SGCZ: variants seen among roughly 807,000 people sequenced by gnomAD.
SGCZ encodes sarcoglycan zeta, also known as zeta-sarcoglycan.
A neutral mutation model predicts 41.3 loss-of-function variants in SGCZ; 40 were observed. The ratio of observed to expected loss-of-function variants is 0.97; its 90% CI spans 0.75 to 1.26. SGCZ has a LOEUF of 1.26. Ranked by LOEUF, SGCZ falls within the 50% of genes most tolerant of loss-of-function variation. SGCZ has a pLI of 0.00. For synonymous variants in SGCZ, 206 were observed against 137.5 expected, an observed-to-expected ratio of 1.50 and a Z score of -3.49; for missense variants, 552 against 369.8, an observed-to-expected ratio of 1.49 and a Z score of -4.04.
At chr8:14,431,294 ATAAGATCTTAT>A (rs1799935766) in intron 2 of SGCZ, among the ~76,000 whole-genome samples, 1 of 152,328 alleles carries the variant, frequency 6.6e-6, no homozygotes, top group South Asian at 2.1e-4. Context: ...AAATGATACT[ATAAGATCTTAT>A]TCACCCGAAT....
At chr8:14,921,335 C>G (rs1799582977) in intron 1 of SGCZ, among the ~76,000 whole-genome samples, 1 of 152,090 alleles carries the variant, frequency 6.6e-6, no homozygotes, top group Admixed American at 6.6e-5. Flanking sequence ...TGAAGTCAGA[C>G]TAATTTGAGT....
intron 1 of SGCZ, among the ~76,000 whole-genome samples, chr8:15,217,861 A>C (rs1310717052): frequency 5.9e-5 from 9 of 152,088 alleles, no homozygotes; most frequent in Non-Finnish European, 4.4e-5. Context: ...GCTGAGTTGG[A>C]CGGATCACTT....
intron 2 of SGCZ, among the ~76,000 whole-genome samples, chr8:14,510,091 T>C (rs1802424984): frequency 6.6e-6 from 1 of 152,058 alleles, no homozygotes; most frequent in South Asian, 2.1e-4. Flanking sequence ...CCCAATGCAA[T>C]GAAGAAGGCA....
At chr8:15,061,137 C>T (rs1176745053) in intron 1 of SGCZ, among the ~76,000 whole-genome samples, 2 of 143,496 alleles carry the variant, frequency 1.4e-5, no homozygotes, top group African/African-American at 2.5e-5. Flanking sequence ...CTGAATGTAT[C>T]CCCCCAAACT....
At chr8:14,675,960 G>C (rs945531143) in intron 1 of SGCZ, among the ~76,000 whole-genome samples, 1 of 152,166 alleles carries the variant, frequency 6.6e-6, no homozygotes, top group Admixed American at 6.5e-5. Context: ...TAGATGGAAG[G>C]TAAACAGAAA....
At chr8:15,035,595 C>T (rs1803847031) in intron 1 of SGCZ, among the ~76,000 whole-genome samples, 1 of 151,986 alleles carries the variant, frequency 6.6e-6, no homozygotes, top group Non-Finnish European at 1.5e-5. Context: ...CAATATGCTG[C>T]CTACCAGAGA....
chr8:14,839,334 G>C (rs543415103), intron 1 of SGCZ, among the ~76,000 whole-genome samples: 6 of 152,220 alleles, frequency 3.9e-5, no homozygotes, highest in African/African-American at 1.4e-4. Flanking sequence ...GATGATGCAC[G>C]CTTGCAGAGG....
At chr8:14,601,772 T>C (rs1050515771) in intron 1 of SGCZ, among the ~76,000 whole-genome samples, 2 of 152,230 alleles carry the variant, frequency 1.3e-5, no homozygotes, top group African/African-American at 4.8e-5. Context: ...TTCTTTTTTG[T>C]TCCAAGTTGT....
At chr8:14,192,757 A>G (rs757357450) in intron 4 of SGCZ, among the ~76,000 whole-genome samples, 5 of 152,102 alleles carry the variant, frequency 3.3e-5, no homozygotes, top group Admixed American at 1.3e-4. Context: ...TGTAACAAAA[A>G]CAATGGAAAG....
intron 1 of SGCZ, among the ~76,000 whole-genome samples, chr8:15,176,766 C>A (rs1314719140): frequency 6.6e-6 from 1 of 152,160 alleles, no homozygotes; most frequent in Non-Finnish European, 1.5e-5. Context: ...CTTTGGGAGG[C>A]CGAGGTGGGC....
intron 3 of SGCZ, among the ~76,000 whole-genome samples, chr8:14,253,195 TATCATATGCTTCTAAAA>T (rs1399468619): frequency 1.3e-5 from 2 of 151,296 alleles, no homozygotes; most frequent in Admixed American, 6.6e-5. Flanking sequence ...AAACATATAT[TATCATATGCTTCTAAAA>T]ATATGCTTCT....
intron 1 of SGCZ, among the ~76,000 whole-genome samples, chr8:14,626,982 T>C (rs1020104122): frequency 8.5e-5 from 13 of 152,192 alleles, no homozygotes; most frequent in African/African-American, 2.9e-4. Flanking sequence ...TCACCTCACA[T>C]GGTAAAAAAA....
intron 1 of SGCZ, among the ~76,000 whole-genome samples, chr8:14,875,253 G>C (rs542379559): frequency 6.6e-6 from 1 of 152,182 alleles, no homozygotes; most frequent in African/African-American, 2.4e-5. Flanking sequence ...GAAAGGTCAA[G>C]AGGGTACTTC....
intron 1 of SGCZ, among the ~76,000 whole-genome samples, chr8:14,761,501 CTATTAT>C (rs911409594): frequency 4.7e-5 from 7 of 149,120 alleles, no homozygotes; most frequent in African/African-American, 1.5e-4. Flanking sequence ...GTACATGTTT[CTATTAT>C]TATTATTATT....
At chr8:14,202,408 A>T (rs1805483456) in intron 4 of SGCZ, among the ~76,000 whole-genome samples, 1 of 152,184 alleles carries the variant, frequency 6.6e-6, no homozygotes, top group Non-Finnish European at 1.5e-5. Context: ...GTGGTGGTGT[A>T]AGACACTAAG....
chr8:14,413,840 G>A lies in SGCZ; in HGVS notation c.235-89636C>T, dbSNP rs180906880. 5.2e-3 allele frequency among the ~76,000 whole-genome samples: 795 copies of A among 151,864 alleles called. 10 individuals are homozygous for A. The highest frequency in any genetic ancestry group is 0.018 in the African/African-American group (730 of 41,462). ...GGTTTAGATAGAACATAAATCCTAG[G>A]AGAACAGAATCTTTCTTTGATTTGT... On this transcript the variant is annotated intron_variant, in intron 2 of 7. Transcript: ENST00000382080.
At chr8:14,274,332 G>A (rs1800160597) in intron 3 of SGCZ, among the ~76,000 whole-genome samples, 1 of 152,194 alleles carries the variant, frequency 6.6e-6, no homozygotes, top group East Asian at 1.9e-4. Context: ...GCACTGTTAA[G>A]GTTTATTATT....
intron 2 of SGCZ, among the ~76,000 whole-genome samples, chr8:14,412,467 TTTCCA>T (rs1402567422): frequency 6.6e-6 from 1 of 152,134 alleles, no homozygotes; most frequent in African/African-American, 2.4e-5. Flanking sequence ...ATGAATTGCA[TTTCCA>T]ATTAAAATAG....
At chr8:15,111,627 T>C (rs1284842588) in intron 1 of SGCZ, among the ~76,000 whole-genome samples, 2 of 152,082 alleles carry the variant, frequency 1.3e-5, no homozygotes, top group South Asian at 2.1e-4. Context: ...TTCGGCCGGG[T>C]GTGGTGGTTC....
Sources: gnomAD v4.1 joint callset for allele counts (sites outside exome capture counted in the v4.1 genomes callset) on GRCh38, gnomAD v4.1.1 for gene constraint, MANE v1.5 for transcripts, NCBI Gene and HGNC (gene_info 2026-07-23, HGNC 2026-07-21) for gene names.